Variants in BCL11B observed in about 807,000 individuals in gnomAD.
The protein encoded by BCL11B is BCL11 transcription factor B, also known as B-cell lymphoma/leukemia 11B.
A neutral mutation model predicts 49.9 loss-of-function variants in BCL11B; 8 were observed. The ratio of observed to expected loss-of-function variants is 0.16; its 90% CI spans 0.09 to 0.29. The LOEUF (loss-of-function observed/expected upper bound fraction) is 0.29, where lower values mean the gene tolerates loss of function less well. BCL11B is among the 10% of genes least tolerant of loss of function. The pLI, the probability that BCL11B is intolerant of heterozygous loss-of-function variation, is 1.00. For missense variants in BCL11B, 1,006 were observed against 1,351.0 expected, an observed-to-expected ratio of 0.74 and a Z score of 4.00; for synonymous variants, 739 against 637.4, an observed-to-expected ratio of 1.16 and a Z score of -2.40.
intron 3 of BCL11B, among the ~76,000 whole-genome samples, chr14:99,224,153 T>C (rs1157881327): frequency 6.6e-6 from 1 of 152,202 alleles, no homozygotes; most frequent in Non-Finnish European, 1.5e-5. Flanking sequence ...TTTGGTTTTC[T>C]ACCAGCAGCT....
At position 99,175,489 on chromosome 14, in the gene BCL11B, G is replaced by A. The variant is rs1886477022; in HGVS notation, c.1347C>T (p.His449=). 6.2e-7 allele frequency: 1 copy of A among 1,611,138 alleles called. No individual in the cohort carries two copies. The change falls in exon 4 of 4, where the codon CAC becomes CAT. Residue 449 remains histidine, a synonymous_variant. Coordinates refer to ENST00000357195, the MANE Select transcript of BCL11B (RefSeq NM_138576.4). ...GGCACTTGTAGGGCTTCTCGCCCGT[G>A]TGACTGCGCCGGTGCACGATGAGAT... is the stretch of plus-strand genomic sequence containing the variant. ...QSNLIVHRRS[H]TGEKPYKCQL...
At chr14:99,234,509 C>T (rs957328985) in intron 2 of BCL11B, among the ~76,000 whole-genome samples, 3 of 152,116 alleles carry the variant, frequency 2.0e-5, no homozygotes, top group African/African-American at 4.8e-5. Flanking sequence ...GCTCCCAGGC[C>T]GCACAGCCTT....
At chr14:99,214,527 C>A (rs1170702148) in intron 3 of BCL11B, among the ~76,000 whole-genome samples, 1 of 151,252 alleles carries the variant, frequency 6.6e-6, no homozygotes, top group Non-Finnish European at 1.5e-5. Context: ...CACTGCACTC[C>A]AGCCTGGGTG....
At chr14:99,197,520 T>C (rs960313479) in intron 3 of BCL11B, among the ~76,000 whole-genome samples, 1 of 152,142 alleles carries the variant, frequency 6.6e-6, no homozygotes, top group Non-Finnish European at 1.5e-5. Flanking sequence ...AAGGCAAGCC[T>C]CTCATTCATT....
rs1457359458 is a variant in BCL11B at position 99,242,568 on chromosome 14, C to T, written c.428-11011G>A. 3.9e-5 allele frequency among the ~76,000 whole-genome samples: 6 copies of T among 152,154 alleles called. No homozygotes were observed. Among genetic ancestry groups the T allele is most frequent in the Admixed American group, 1.3e-4 (2 of 15,264 alleles). On this transcript the variant is annotated intron_variant, in intron 2 of 3. Transcript: ENST00000357195. This position sits in a 1 kb window ranked among gnomAD's most constrained non-coding sequence, Gnocchi z 4.4. ...CAGTGAACAGGGGCTGGGTCAAGGC[C>T]CCCATGGGGAAAGGAGAGGACCACA...
intron 1 of BCL11B, among the ~76,000 whole-genome samples, chr14:99,261,232 C>G (rs1417299855): frequency 1.3e-5 from 2 of 152,232 alleles, no homozygotes; most frequent in East Asian, 3.9e-4. Flanking sequence ...AGCTCACGTT[C>G]AAGGCCTTTG....
rs1369769767 is a variant in BCL11B, at chr14:99,270,521, G to A, written c.58+640C>T. ...GGGCTTGAGCCCGGCAAACAGCCGC[G>A]CAGCTGGATTATTTTGCAAATAGCA... is the stretch of plus-strand genomic sequence containing the variant. On this transcript the variant is annotated intron_variant, in intron 1 of 3. Transcript: ENST00000357195. Among the ~76,000 whole-genome samples, 18 of 152,094 alleles carry A rather than the reference G, an allele frequency of 1.2e-4. No homozygotes were observed. The East Asian group carries it at 2.5e-3, about 22-fold the overall frequency.
chr14:99,268,751 T>C (rs1438718051), intron 1 of BCL11B, among the ~76,000 whole-genome samples: 4 of 152,200 alleles, frequency 2.6e-5, no homozygotes. Flanking sequence ...ACACATAGCC[T>C]GGGCTCCGTG....
chr14:99,249,855 C>T (rs570343275), intron 2 of BCL11B, among the ~76,000 whole-genome samples: 2 of 151,962 alleles, frequency 1.3e-5, no homozygotes, highest in African/African-American at 2.4e-5. Flanking sequence ...AGGCTGGGTG[C>T]GGTGGCTCGT....
intron 3 of BCL11B, among the ~76,000 whole-genome samples, chr14:99,182,440 G>A (rs570652570): frequency 1.3e-5 from 2 of 152,280 alleles, no homozygotes; most frequent in African/African-American, 4.8e-5. Flanking sequence ...GGCAGGGATG[G>A]GGCTAGCTAC....
At position 99,257,879 on chromosome 14, in the gene BCL11B, A is replaced by G; in HGVS notation, c.59-40T>C. 3.4e-6 allele frequency: 5 copies of G among 1,489,274 alleles called. No individual in the cohort carries two copies. Among genetic ancestry groups the G allele is most frequent in the Non-Finnish European group, 4.5e-6 (5 of 1,117,746 alleles). 92.3% of individuals were successfully genotyped at this position (1,489,274 alleles called of 1,614,324 possible). A position where few individuals can be genotyped will look rare whatever the true frequency, so the allele number is the denominator to read the frequency against. ...AAGAAAGGGAAGGGGCAGAGAAGATAGAGATGGGCTTAGGCGGTCACAGCA... is the reference window on the plus strand; with the variant it reads ...AAGAAAGGGAAGGGGCAGAGAAGATGGAGATGGGCTTAGGCGGTCACAGCA... On this transcript the variant is annotated intron_variant, in intron 1 of 3. Transcript: ENST00000357195. The surrounding 1 kb of genome is among the most constrained non-coding windows in gnomAD (Gnocchi z 6.2).
intron 3 of BCL11B, among the ~76,000 whole-genome samples, chr14:99,230,799 AGTGTTTCACTCCCTCTC>A (rs1343167737): frequency 4.7e-5 from 7 of 149,856 alleles, no homozygotes; most frequent in Non-Finnish European, 8.9e-5. Flanking sequence ...CACACCTCAC[AGTGTTTCACTCCCTCTC>A]GTGGCCACAG....
intron 1 of BCL11B, among the ~76,000 whole-genome samples, chr14:99,267,057 GGTTGA>G (rs1889504210): frequency 6.6e-6 from 1 of 151,998 alleles, no homozygotes; most frequent in Non-Finnish European, 1.5e-5. Flanking sequence ...GCTTCCCTTG[GGTTGA>G]GTAGGACCCA....
chr14:99,211,551 CAT>C (rs1009600969), intron 3 of BCL11B, among the ~76,000 whole-genome samples: 2 of 152,232 alleles, frequency 1.3e-5, no homozygotes, highest in African/African-American at 2.4e-5. Context: ...TGCACACAGA[CAT>C]ATGTGCACAC....
intron 2 of BCL11B, among the ~76,000 whole-genome samples, chr14:99,253,432 G>A (rs539163532): frequency 2.0e-5 from 3 of 152,292 alleles, no homozygotes; most frequent in Non-Finnish European, 2.9e-5. Flanking sequence ...CTGCTCTAAC[G>A]CCTGAAAATG....
intron 3 of BCL11B, among the ~76,000 whole-genome samples, chr14:99,198,451 C>A (rs1167155512): frequency 6.6e-6 from 1 of 152,154 alleles, no homozygotes; most frequent in Non-Finnish European, 1.5e-5. Flanking sequence ...GCTAGAAGTG[C>A]CCTGACATCA....
chr14:99,257,607 G>T lies in BCL11B; in HGVS notation c.291C>A (p.Ser97Arg). ...GCTCGGAGCGTGAGGAGGGTGGCGG[G>T]CTGTCCTTGTCCAGGGCCTTGTCAT... is the stretch of plus-strand genomic sequence containing the variant. ...ACYDKALDKD[S>R]PPPSSRSELR... Residue 97 changes from serine to arginine, a missense_variant, in exon 2 of 4, where the codon AGC (serine) becomes AGA (arginine). Transcript: ENST00000357195. The surrounding 1 kb of genome is among the most constrained non-coding windows in gnomAD (Gnocchi z 6.2). 6.2e-7 allele frequency: 1 copy of T among 1,614,076 alleles called. No individual in the cohort carries two copies. The highest frequency in any genetic ancestry group is 8.5e-7 in the Non-Finnish European group (1 of 1,179,976).
chr14:99,219,450 G>A (rs754760823), intron 3 of BCL11B, among the ~76,000 whole-genome samples: 11 of 152,038 alleles, frequency 7.2e-5, no homozygotes, highest in East Asian at 1.9e-4. Context: ...AAGAATCATC[G>A]CAATTACCAT....
chr14:99,177,339 G>A (rs1387207374), intron 3 of BCL11B, among the ~76,000 whole-genome samples: 1 of 151,912 alleles, frequency 6.6e-6, no homozygotes, highest in South Asian at 2.1e-4. Flanking sequence ...GCGAACACTC[G>A]TGGTATGGAG....
Sources: allele counts gnomAD v4.1 joint callset (sites outside exome capture counted in the v4.1 genomes callset), GRCh38; gene constraint gnomAD v4.1.1; non-coding constraint Gnocchi (gnomAD v3.1); transcripts MANE v1.5; gene names NCBI Gene and HGNC (gene_info 2026-07-23, HGNC 2026-07-21).